Variants in FAT4 observed in about 807,000 individuals in gnomAD.
FAT4 encodes the protein FAT atypical cadherin 4.
Under a neutral mutation model 303.9 loss-of-function variants are expected in FAT4, and 84 were observed. The observed-to-expected ratio is 0.28, with a 90% CI of 0.23 to 0.33. FAT4 has a LOEUF of 0.33. Ranked by LOEUF, FAT4 falls within the 10% of genes least tolerant of loss-of-function variation. The pLI, the probability that FAT4 is intolerant of heterozygous loss-of-function variation, is 1.00. For missense variants in FAT4, 6,005 were observed against 6,146.8 expected, an observed-to-expected ratio of 0.98 and a Z score of 0.77; for synonymous variants, 2,307 against 2,298.8, an observed-to-expected ratio of 1.00 and a Z score of -0.10.
chr4:125,463,534 T>A (rs567985429), intron 10 of FAT4, 29 bp from the exon 11 acceptor site: 25 of 1,404,378 alleles, frequency 1.8e-5, no homozygotes, highest in African/African-American at 4.3e-5. Flanking sequence ...GTATGAGATT[T>A]AAAAAAAACT....
In FAT4 at chr4:125,316,270, C is replaced by A; in HGVS notation, c.-12-130C>A. The A allele has an allele frequency of 8.8e-7, 1 of 1,135,736 alleles. No individual in the cohort carries two copies. The highest frequency in any genetic ancestry group is 1.2e-6 in the Non-Finnish European group (1 of 806,148). The allele number at this position is 1,135,736 out of a possible 1,614,324, so 70.4% of individuals were successfully genotyped here. ...GCTGATGCTACTTGCTTTTGCCGGACTGGAGGTTCTTTGAAATAGCAGAGG... is the reference window on the plus strand; with the variant it reads ...GCTGATGCTACTTGCTTTTGCCGGAATGGAGGTTCTTTGAAATAGCAGAGG... On this transcript the variant is annotated intron_variant, in intron 1 of 17. Coordinates refer to ENST00000394329, the MANE Select transcript of FAT4 (RefSeq NM_001291303.3). This position sits in a 1 kb window ranked among gnomAD's most constrained non-coding sequence, Gnocchi z 5.7.
intron 2 of FAT4, among the ~76,000 whole-genome samples, chr4:125,393,112 C>T (rs1734035009): frequency 6.6e-6 from 1 of 152,088 alleles, no homozygotes; most frequent in Admixed American, 6.6e-5. Context: ...ATCCTACGGT[C>T]TCCCAAAAGA....
rs1308167286 is a variant in FAT4 at position 125,451,280 on chromosome 4, C to T, written c.10270C>T (p.His3424Tyr). 4.3e-6 allele frequency: 7 copies of T among 1,614,100 alleles called. No homozygotes were observed. In the South Asian group the frequency reaches 7.7e-5, roughly 18 times the overall value. Residue 3424 changes from histidine (H) to tyrosine (Y), a missense_variant, in exon 10 of 18, where the codon CAT becomes TAT. Transcript: ENST00000394329. ...QISEGVPIGT[H>Y]VTFVSAFDSD... ...CAGTGAAGGGGTCCCAATAGGAACT[C>T]ATGTGACCTTTGTCAGTGCCTTTGA...
At chr4:125,376,193 T>G (rs1733311613) in intron 2 of FAT4, among the ~76,000 whole-genome samples, 1 of 152,266 alleles carries the variant, frequency 6.6e-6, no homozygotes, top group African/African-American at 2.4e-5. Context: ...TTACCAAGTT[T>G]ATATTTTTAC....
intron 16 of FAT4, among the ~76,000 whole-genome samples, chr4:125,486,944 A>G (rs1333469644): frequency 2.6e-5 from 4 of 152,080 alleles, no homozygotes; most frequent in Non-Finnish European, 5.9e-5. Flanking sequence ...GGTTTTCACA[A>G]TTTTTTAGTA....
At chr4:125,441,713 A>G (rs1030868574) in intron 8 of FAT4, among the ~76,000 whole-genome samples, 1 of 152,164 alleles carries the variant, frequency 6.6e-6, no homozygotes, top group Non-Finnish European at 1.5e-5. Context: ...TTTCAATTCC[A>G]GTTTGCCTAT....
intron 2 of FAT4, among the ~76,000 whole-genome samples, chr4:125,357,885 G>A (rs1293516013): frequency 6.6e-6 from 1 of 152,030 alleles, no homozygotes; most frequent in African/African-American, 2.4e-5. Flanking sequence ...GAAGTAACTG[G>A]GCCATACATC....
At chr4:125,439,742 TCTC>T (rs1725586933) in intron 8 of FAT4, among the ~76,000 whole-genome samples, 1 of 152,168 alleles carries the variant, frequency 6.6e-6, no homozygotes, top group African/African-American at 2.4e-5. Flanking sequence ...TCAAGTTCTC[TCTC>T]TTCCTTGAAC....
chr4:125,393,932 C>T, intron 2 of FAT4: 1 of 779,848 alleles, frequency 1.3e-6, no homozygotes, highest in Admixed American at 1.7e-5. Flanking sequence ...GTGAAGCTAC[C>T]TAAATGGTAA....
rs1174724693 is a variant in FAT4, at chr4:125,316,684, C to T, written c.273C>T (p.Tyr91=). 6.2e-7 allele frequency: 1 copy of T among 1,613,646 alleles called. No individual in the cohort carries two copies. The highest frequency in any genetic ancestry group is 1.3e-5 in the African/African-American group (1 of 75,040). Residue 91 remains tyrosine (Y), a synonymous_variant, in exon 2 of 18, where the codon TAC becomes TAT. Coordinates refer to ENST00000394329, the MANE Select transcript of FAT4 (RefSeq NM_001291303.3). The surrounding 1 kb of genome is among the most constrained non-coding windows in gnomAD (Gnocchi z 5.7). ...FAINSSTGAL[Y]TTSTIDRESL... ...TAAACAGTAGCACCGGAGCCCTGTACACCACCTCCACCATCGACCGCGAGA... is the reference window on the plus strand; with the variant it reads ...TAAACAGTAGCACCGGAGCCCTGTATACCACCTCCACCATCGACCGCGAGA...
chr4:125,454,540 AC>A (rs2126064102), intron 10 of FAT4, among the ~76,000 whole-genome samples: 1 of 152,300 alleles, frequency 6.6e-6, no homozygotes, highest in Admixed American at 6.5e-5. Flanking sequence ...TGTTTGTAAA[AC>A]ACCTAGTACA....
intron 8 of FAT4, among the ~76,000 whole-genome samples, chr4:125,435,478 T>G (rs531848448): frequency 1.6e-3 from 250 of 152,350 alleles, no homozygotes; most frequent in African/African-American, 5.5e-3. Context: ...GGTAATGAGC[T>G]GATTCATGTC....
intron 2 of FAT4, among the ~76,000 whole-genome samples, chr4:125,337,943 C>G (rs1422196279): frequency 6.6e-6 from 1 of 152,118 alleles, no homozygotes; most frequent in Non-Finnish European, 1.5e-5. Context: ...CACAGAGCAG[C>G]TTTGAGAAAC....
rs111357080 is a variant in FAT4 at position 125,416,063 on chromosome 4, G to A, written c.6843+257G>A. Among the ~76,000 whole-genome samples the A allele has an allele frequency of 3.4e-4, 52 of 152,250 alleles. 1 individual carries two copies. Among genetic ancestry groups the A allele is most frequent in the African/African-American group, 1.2e-3 (50 of 41,586 alleles). On this transcript the variant is annotated intron_variant, in intron 6 of 17. Transcript: ENST00000394329. ...GTATACTCATGTTGCACACATTTAT[G>A]TATTTGTGTTTTTGAATTTTGTTCC...
chr4:125,489,233 A>G (rs1204839201), intron 17 of FAT4, among the ~76,000 whole-genome samples: 2 of 152,158 alleles, frequency 1.3e-5, no homozygotes, highest in Non-Finnish European at 2.9e-5. Context: ...CTGTTAACAC[A>G]CTCAAGTGTA....
At chr4:125,356,047 T>TG (rs1303217194) in intron 2 of FAT4, among the ~76,000 whole-genome samples, 1 of 151,926 alleles carries the variant, frequency 6.6e-6, no homozygotes, top group Non-Finnish European at 1.5e-5. Flanking sequence ...AGACCCTGAG[T>TG]GGAAGGCTGG....
chr4:125,316,703 C>T lies in FAT4; in HGVS notation c.292C>T (p.Arg98Cys), dbSNP rs1369962390. The stretch of plus-strand genomic sequence containing the variant: ...CCTGTACACCACCTCCACCATCGAC[C>T]GCGAGAGCCTGCCCAGCGACGTGAT... ...GALYTTSTID[R>C]ESLPSDVINL... is the part of the protein sequence containing the mutation. The change falls in exon 2 of 18, where the codon CGC becomes TGC. Residue 98 changes from arginine (R) to cysteine (C), a missense_variant. By Grantham distance (180) the Arg-to-Cys change is radical. Transcript: ENST00000394329. This position sits in a 1 kb window ranked among gnomAD's most constrained non-coding sequence, Gnocchi z 5.7. 1.9e-6 allele frequency: 3 copies of T among 1,613,632 alleles called. No individual in the cohort carries two copies. The highest frequency in any genetic ancestry group is 3.3e-5 in the Admixed American group (2 of 59,998).
chr4:125,444,624 A>G (rs1020206005), intron 8 of FAT4, among the ~76,000 whole-genome samples: 2 of 152,116 alleles, frequency 1.3e-5, no homozygotes, highest in African/African-American at 4.8e-5. Context: ...GCTTAATAAT[A>G]CACCATGGTC....
At chr4:125,376,566 T>C (rs570625711) in intron 2 of FAT4, among the ~76,000 whole-genome samples, 1 of 152,246 alleles carries the variant, frequency 6.6e-6, no homozygotes, top group South Asian at 2.1e-4. Context: ...ACCTGCACGT[T>C]GTGCACGTGA....
Sources: allele counts gnomAD v4.1 joint callset (sites outside exome capture counted in the v4.1 genomes callset), GRCh38; gene constraint gnomAD v4.1.1; non-coding constraint Gnocchi (gnomAD v3.1); transcripts MANE v1.5; gene names NCBI Gene and HGNC (gene_info 2026-07-23, HGNC 2026-07-21).